Variants in CFAP52 observed in about 807,000 individuals in gnomAD.
CFAP52 encodes cilia- and flagella-associated protein 52.
CFAP52 carries 57 observed loss-of-function variants against 70.5 expected under a neutral mutation model. The observed-to-expected ratio is 0.81, with a 90% CI of 0.65 to 1.01. The LOEUF (loss-of-function observed/expected upper bound fraction) is 1.01, where lower values mean the gene tolerates loss of function less well. Ranked by LOEUF, CFAP52 falls within the 50% of genes least tolerant of loss-of-function variation. CFAP52 has a pLI of 0.00. For missense variants in CFAP52, 785 were observed against 788.5 expected (o/e 1.00, Z 0.05); for synonymous variants, 267 against 292.5 (o/e 0.91, Z 0.89).
intron 1 of CFAP52, among the ~76,000 whole-genome samples, chr17:9,579,501 T>C (rs1908116384): frequency 6.6e-6 from 1 of 152,160 alleles, no homozygotes; most frequent in African/African-American, 2.4e-5. Context: ...TGGAAACAAA[T>C]TAGAAACAAA....
At position 9,598,189 on chromosome 17, in the gene CFAP52, G is replaced by C. The variant is rs1465873282; in HGVS notation, c.537-45G>C. On this transcript the variant is annotated intron_variant, in intron 4 of 13. Transcript: ENST00000352665. ...TTCAGGGATGAAGTGATTATTAAAT[G>C]GGTGTCCATTTGATTGTGGTTTTTT... is the stretch of plus-strand genomic sequence containing the variant. 2.1e-6 allele frequency: 3 copies of C among 1,429,086 alleles called. No individual in the cohort carries two copies. In the African/African-American group the frequency reaches 4.3e-5, roughly 20 times the overall value. 88.5% of individuals were successfully genotyped at this position (1,429,086 alleles called of 1,614,324 possible). A position where few individuals can be genotyped will look rare whatever the true frequency, so the allele number is the denominator to read the frequency against.
chr17:9,591,755 T>G (rs1184770403), intron 3 of CFAP52, among the ~76,000 whole-genome samples: 2 of 152,016 alleles, frequency 1.3e-5, no homozygotes, highest in African/African-American at 4.8e-5. Flanking sequence ...GGTGTGTGCC[T>G]GTAGTCCAGC....
intron 8 of CFAP52, among the ~76,000 whole-genome samples, chr17:9,628,074 C>T (rs1254081745): frequency 1.3e-5 from 2 of 151,876 alleles, no homozygotes; most frequent in Non-Finnish European, 2.9e-5. Flanking sequence ...TGTTACTATC[C>T]TCCAGTCTAC....
At chr17:9,640,848 T>C (rs113738245) in intron 12 of CFAP52, among the ~76,000 whole-genome samples, 2,019 of 152,196 alleles carry the variant, frequency 0.013, 53 homozygotes, top group African/African-American at 0.046. Context: ...TTCACCATAT[T>C]GCCCAGGCTG....
At chr17:9,584,938 C>T (rs1908388676) in intron 1 of CFAP52, among the ~76,000 whole-genome samples, 1 of 152,096 alleles carries the variant, frequency 6.6e-6, no homozygotes, top group African/African-American at 2.4e-5. Flanking sequence ...TGTAATATTA[C>T]TTAGCCTTTA....
At chr17:9,642,483 G>A (rs902046543) in intron 13 of CFAP52, among the ~76,000 whole-genome samples, 14 of 152,172 alleles carry the variant, frequency 9.2e-5, no homozygotes, top group Non-Finnish European at 1.6e-4. Flanking sequence ...AATTAGCCGG[G>A]CGTGGTGGTG....
intron 9 of CFAP52, among the ~76,000 whole-genome samples, chr17:9,629,779 G>A (rs1377042875): frequency 2.0e-5 from 3 of 151,858 alleles, no homozygotes; most frequent in Admixed American, 6.6e-5. Flanking sequence ...TAGTAAAAAC[G>A]GGTTTTCACC....
At chr17:9,615,795 C>CTTTT (rs1190663709) in intron 8 of CFAP52, among the ~76,000 whole-genome samples, 37 of 67,416 alleles carry the variant, frequency 5.5e-4, no homozygotes, top group Non-Finnish European at 7.7e-4. Context: ...AAAAAAAATT[C>CTTTT]TTTTTTTTTT....
chr17:9,610,065 C>G (rs78430112), intron 7 of CFAP52, among the ~76,000 whole-genome samples: 2,448 of 151,906 alleles, frequency 0.016, 86 homozygotes, highest in African/African-American at 0.056. Context: ...AATTTACAAC[C>G]GAACCTGAAT....
chr17:9,635,649 G>A (rs1328883430), intron 11 of CFAP52, 93 bp downstream of exon 11: 4 of 1,520,358 alleles, frequency 2.6e-6, no homozygotes, highest in Non-Finnish European at 1.8e-6. Flanking sequence ...CACATGGAGG[G>A]TAGAAATCTT....
At chr17:9,634,916 T>G (rs1375656734) in intron 10 of CFAP52, among the ~76,000 whole-genome samples, 2 of 152,174 alleles carry the variant, frequency 1.3e-5, no homozygotes, top group African/African-American at 4.8e-5. Context: ...TTTGGAAATA[T>G]TTGTGATATA....
chr17:9,609,654 G>C lies in CFAP52; in HGVS notation c.854+1435G>C, dbSNP rs1329476409. On this transcript the variant is annotated intron_variant, in intron 7 of 13. Transcript: ENST00000352665. ...AACCTCAAGGTTGAGGCTGGAGTGA[G>C]CCATGATCATGGCACTGAACTCAGC... 4.6e-5 allele frequency among the ~76,000 whole-genome samples: 7 copies of C among 152,082 alleles called. No individual in the cohort carries two copies. The South Asian group carries it at 6.2e-4, about 14-fold the overall frequency.
At chr17:9,604,798 T>G (rs375254472) in intron 6 of CFAP52, among the ~76,000 whole-genome samples, 2 of 145,664 alleles carry the variant, frequency 1.4e-5, no homozygotes, top group Non-Finnish European at 3.0e-5. Context: ...AATAAATAAA[T>G]AAATAAAAGA....
intron 9 of CFAP52, among the ~76,000 whole-genome samples, chr17:9,630,905 G>T (rs1242685608): frequency 2.0e-5 from 3 of 149,532 alleles, no homozygotes; most frequent in Non-Finnish European, 4.4e-5. Context: ...AGAGTTTCTT[G>T]AACCCGGGAG....
intron 3 of CFAP52, among the ~76,000 whole-genome samples, chr17:9,588,809 G>T (rs190016078): frequency 1.4e-4 from 18 of 125,194 alleles, no homozygotes; most frequent in Admixed American, 1.4e-3. Context: ...TTTCACTCTT[G>T]TTGCCCAGGC....
intron 8 of CFAP52, among the ~76,000 whole-genome samples, chr17:9,616,385 C>G (rs1308600911): frequency 1.6e-5 from 2 of 121,444 alleles, no homozygotes; most frequent in Admixed American, 8.4e-5. Context: ...GCACAGCAGT[C>G]TGAGATCAAA....
rs375495892 is a variant in CFAP52, at chr17:9,600,442, C to G, written c.753+259C>G. On this transcript the variant is annotated intron_variant, in intron 6 of 13. Transcript: ENST00000352665. Reference sequence around the variant, plus strand: ...TTTTTTAGTACAGACAGGGTTTCATCATGTTGGCTAGGCTAATCTTGAACT... The same window carrying G: ...TTTTTTAGTACAGACAGGGTTTCATGATGTTGGCTAGGCTAATCTTGAACT... Among the ~76,000 whole-genome samples, 3 of 152,046 alleles carry G rather than the reference C, an allele frequency of 2.0e-5. No homozygotes were observed. The East Asian group carries it at 5.8e-4, about 30-fold the overall frequency.
intron 8 of CFAP52, among the ~76,000 whole-genome samples, chr17:9,612,714 A>G (rs1909762075): frequency 6.6e-6 from 1 of 152,178 alleles, no homozygotes; most frequent in South Asian, 2.1e-4. Context: ...TAAACCCCTC[A>G]TGGAAAGGGT....
Position 9,612,373 on chromosome 17 carries a change from G to T in CFAP52, c.919G>T (p.Val307Leu). ...TCGAGGAGAAGGACACCAGTTTCTCGTAGGAACAGAAGAATCGCACATTTA... is the reference window on the plus strand; with the variant it reads ...TCGAGGAGAAGGACACCAGTTTCTCTTAGGAACAGAAGAATCGCACATTTA... ...TLRGEGHQFLVGTEESHIYRV... is the reference protein window; with the variant it reads ...TLRGEGHQFLLGTEESHIYRV... The change falls in exon 8 of 14, where the codon GTA becomes TTA. Residue 307 changes from valine (V) to leucine (L), a missense_variant. Physicochemically the swap from Val to Leu is conservative, Grantham distance 32. Coordinates refer to ENST00000352665, the MANE Select transcript of CFAP52 (RefSeq NM_145054.5). The T allele has an allele frequency of 1.2e-6, 2 of 1,614,174 alleles. No individual in the cohort carries two copies. Among genetic ancestry groups the T allele is most frequent in the Non-Finnish European group, 1.7e-6 (2 of 1,180,030 alleles).
Sources: allele counts gnomAD v4.1 joint callset (sites outside exome capture counted in the v4.1 genomes callset), GRCh38; gene constraint gnomAD v4.1.1; transcripts MANE v1.5; gene names NCBI Gene and HGNC (gene_info 2026-07-23, HGNC 2026-07-21).